Variants in ANKRD36C observed in about 807,000 individuals in gnomAD.
ANKRD36C encodes ankyrin repeat domain 36C.
Under a neutral mutation model 276.4 loss-of-function variants are expected in ANKRD36C, and 61 were observed. The ratio of observed to expected loss-of-function variants is 0.22; its 90% confidence interval spans 0.18 to 0.27. The LOEUF (loss-of-function observed/expected upper bound fraction) is 0.27, where lower values mean the gene tolerates loss of function less well. ANKRD36C is among the 10% of genes least tolerant of loss of function. The pLI is 1.00. For missense variants in ANKRD36C, 1,447 were observed against 2,032.3 expected, an observed-to-expected ratio of 0.71 and a Z score of 5.54; for synonymous variants, 483 against 680.1, an observed-to-expected ratio of 0.71 and a Z score of 4.51.
intron 42 of ANKRD36C, among the ~76,000 whole-genome samples, 181 bp downstream of exon 48, chr2:95,908,321 C>T (rs1369516966): frequency 3.3e-5 from 5 of 150,940 alleles, no homozygotes; most frequent in South Asian, 2.1e-4. Context: ...AATCTTACGG[C>T]GAAGATCATG....
chr2:95,882,206 T>A (rs992772352), intron 56 of ANKRD36C, 96 bp downstream of exon 76: 8 of 1,347,750 alleles, frequency 5.9e-6, no homozygotes, highest in Non-Finnish European at 8.2e-6. Flanking sequence ...AATCAGAAAG[T>A]GCATTTTCAA....
At chr2:95,914,413 G>A (rs1006052247) in intron 38 of ANKRD36C, 110 bp from the exon 41 acceptor site, 23 of 1,357,298 alleles carry the variant, frequency 1.7e-5, no homozygotes, top group Non-Finnish European at 2.3e-5. Context: ...TATTAGCGTA[G>A]TCTTTGATGG....
chr2:95,963,797 T>C lies in ANKRD36C; in HGVS notation c.800-1250A>G, dbSNP rs1411257992. Among the ~76,000 whole-genome samples, 4 of 115,444 alleles carry C rather than the reference T, an allele frequency of 3.5e-5. No homozygotes were observed. In the East Asian group the frequency reaches 9.0e-4, roughly 26 times the overall value. 75.7% of individuals were successfully genotyped at this position (115,444 alleles called of 152,430 possible). ...CCCGGATTCAGCAGTTCAGCTCTTT[T>C]GCCATCTCTTTTTCCACTTTTGCAA... On this transcript the variant is annotated intron_variant, in intron 6 of 66. Transcript: ENST00000456556.
chr2:95,949,373 G>A (rs1678137089), intron 16 of ANKRD36C, among the ~76,000 whole-genome samples: 1 of 152,152 alleles, frequency 6.6e-6, no homozygotes, highest in African/African-American at 2.4e-5. Context: ...TAGTGGAAAA[G>A]TCTCCCTCCT....
At position 95,879,144 on chromosome 2, in the gene ANKRD36C, A is replaced by G. The variant is rs1173079826; in HGVS notation, c.3469+1283T>C. On this transcript the variant is annotated intron_variant, in intron 58 of 66. Transcript: ENST00000456556. Reference sequence around the variant, plus strand: ...ATGAAAGAATAAGATCCTCTCATTCACATGACATGGATGGAACAGGAGGAC... The same window carrying G: ...ATGAAAGAATAAGATCCTCTCATTCGCATGACATGGATGGAACAGGAGGAC... Among the ~76,000 whole-genome samples the G allele has an allele frequency of 6.9e-4, 105 of 152,252 alleles. 1 individual carries two copies. The highest frequency in any genetic ancestry group is 6.8e-3 in the Middle Eastern group (2 of 294).
intron 42 of ANKRD36C, among the ~76,000 whole-genome samples, 188 bp from the exon 45 acceptor site, chr2:95,910,756 T>C (rs1676892183): frequency 1.3e-5 from 2 of 151,442 alleles, no homozygotes; most frequent in South Asian, 2.1e-4. Flanking sequence ...ACAGGCTCCA[T>C]GAAATATACC....
intron 6 of ANKRD36C, among the ~76,000 whole-genome samples, chr2:95,973,633 G>A (rs1678742768): frequency 6.6e-6 from 1 of 152,138 alleles, no homozygotes. Context: ...TCATAGAACA[G>A]GTCGAAAAGT....
intron 24 of ANKRD36C, among the ~76,000 whole-genome samples, chr2:95,934,605 G>A (rs1255551773): frequency 1.3e-5 from 2 of 152,232 alleles, no homozygotes; most frequent in Non-Finnish European, 2.9e-5. Context: ...GGCCTGTCAG[G>A]GAGATGGGGT....
intron 38 of ANKRD36C, 101 bp downstream of exon 40, chr2:95,915,879 A>G: frequency 1.4e-6 from 2 of 1,428,896 alleles, no homozygotes; most frequent in South Asian, 1.2e-5. Context: ...GGCCTGTTGA[A>G]TCAGAATGTG....
intron 38 of ANKRD36C, 69 bp from the exon 41 acceptor site, chr2:95,914,372 G>A: frequency 2.6e-6 from 4 of 1,514,892 alleles, no homozygotes; most frequent in Non-Finnish European, 3.6e-6. Flanking sequence ...CATTCATGCA[G>A]TGTTAGCATC....
intron 14 of ANKRD36C, among the ~76,000 whole-genome samples, chr2:95,952,898 G>A (rs1678233783): frequency 6.6e-6 from 1 of 152,242 alleles, no homozygotes; most frequent in South Asian, 2.1e-4. Flanking sequence ...ATACAAATAG[G>A]TTTTCTAGTT....
intron 17 of ANKRD36C, among the ~76,000 whole-genome samples, chr2:95,946,750 C>T (rs1010590767): frequency 2.6e-5 from 4 of 151,986 alleles, no homozygotes; most frequent in African/African-American, 9.7e-5. Flanking sequence ...GAGTTCATGT[C>T]CTTTGTAGGG....
At chr2:95,895,794 A>G (rs1676522464) in intron 44 of ANKRD36C, among the ~76,000 whole-genome samples, 1 of 151,018 alleles carries the variant, frequency 6.6e-6, no homozygotes, top group Admixed American at 6.6e-5. Flanking sequence ...ATACCCTTAC[A>G]ATTTCAAACA....
At chr2:95,878,131 C>T (rs1675995854) in intron 58 of ANKRD36C, among the ~76,000 whole-genome samples, 1 of 148,602 alleles carries the variant, frequency 6.7e-6, no homozygotes, top group Admixed American at 6.7e-5. Flanking sequence ...TTGCAGTGAG[C>T]CGAGATTGTG....
intron 6 of ANKRD36C, among the ~76,000 whole-genome samples, chr2:95,969,217 C>T (rs1410805767): frequency 6.6e-6 from 1 of 152,160 alleles, no homozygotes; most frequent in Non-Finnish European, 1.5e-5. Flanking sequence ...GATGATGAGC[C>T]CCACCCTGAA....
In ANKRD36C at chr2:95,911,134, A is replaced by T. The variant is rs910100519; in HGVS notation, c.2653+1110T>A. ...GTTTGCTGATACCTAGTAGATAATA[A>T]TCATTATCTCTCACACCCATGTGGT... On this transcript the variant is annotated intron_variant, in intron 42 of 66. Transcript: ENST00000456556. 4.4e-3 allele frequency among the ~76,000 whole-genome samples: 674 copies of T among 151,562 alleles called. 4 individuals carry two copies. Among genetic ancestry groups the T allele is most frequent in the African/African-American group, 0.015 (622 of 41,456 alleles).
At chr2:95,942,438 C>T (rs1044336399) in intron 19 of ANKRD36C, among the ~76,000 whole-genome samples, 1 of 152,310 alleles carries the variant, frequency 6.6e-6, no homozygotes, top group African/African-American at 2.4e-5. Context: ...TTCAAGGTAT[C>T]CTAAGAAAGC....
intron 5 of ANKRD36C, among the ~76,000 whole-genome samples, chr2:95,980,125 T>G (rs1247265023): frequency 6.6e-6 from 1 of 152,034 alleles, no homozygotes; most frequent in African/African-American, 2.4e-5. Context: ...AACAACAGAA[T>G]CAATGAAAAC....
intron 34 of ANKRD36C, among the ~76,000 whole-genome samples, 200 bp from the exon 35 acceptor site, chr2:95,920,120 T>G (rs193211480): frequency 7.6e-6 from 1 of 131,690 alleles, no homozygotes; most frequent in African/African-American, 2.6e-5. Context: ...AAATATATCC[T>G]TACAATTTCA....
Sources: gnomAD v4.1 joint callset for allele counts (sites outside exome capture counted in the v4.1 genomes callset) on GRCh38, gnomAD v4.1.1 for gene constraint, MANE v1.5 for transcripts, NCBI Gene and HGNC (gene_info 2026-07-23, HGNC 2026-07-21) for gene names.